The following KYNU variants were observed in gnomAD, a reference collection of about 807,000 sequenced individuals.
KYNU encodes kynureninase.
Under a neutral mutation model 59.2 loss-of-function variants are expected in KYNU, and 54 were observed. The ratio of observed to expected loss-of-function variants is 0.91; its 90% confidence interval spans 0.73 to 1.14. The LOEUF is 1.14. KYNU is among the 50% of genes most tolerant of loss of function. KYNU has a pLI of 0.00. For synonymous variants in KYNU, 177 were observed against 192.0 expected, an observed-to-expected ratio of 0.92 and a Z score of 0.65; for missense variants, 567 against 554.4, an observed-to-expected ratio of 1.02 and a Z score of -0.23.
intron 10 of KYNU, chr2:142,988,907 A>G (rs775802924): frequency 1.2e-6 from 2 of 1,601,682 alleles, no homozygotes; most frequent in Middle Eastern, 1.7e-4. Context: ...AGGACAAGGT[A>G]TTTTCCAGTC....
At chr2:142,913,532 C>T (rs1184707906) in intron 2 of KYNU, among the ~76,000 whole-genome samples, 1 of 152,106 alleles carries the variant, frequency 6.6e-6, no homozygotes, top group Non-Finnish European at 1.5e-5. Flanking sequence ...TTGATTTCTA[C>T]TTTTATTCCA....
intron 1 of KYNU, among the ~76,000 whole-genome samples, chr2:142,880,747 T>C (rs1257681442): frequency 2.6e-5 from 4 of 152,162 alleles, no homozygotes; most frequent in African/African-American, 7.2e-5. Context: ...TTGTCTTTAG[T>C]GGGTAAGTGT....
chr2:142,911,220 C>A (rs1682470074), intron 2 of KYNU, among the ~76,000 whole-genome samples: 2 of 151,976 alleles, frequency 1.3e-5, no homozygotes, highest in South Asian at 4.2e-4. Context: ...CTATTTGTGT[C>A]ATCTATAATT....
In KYNU at chr2:143,046,034, A is replaced by T. The variant is rs1369097982; in HGVS notation, c.*3862A>T. ...AAATATTTCATGCTAATCACATTAA[A>T]ATTATATCAAAGTATATAAACATAT... On this transcript the variant is annotated 3_prime_UTR_variant, in exon 14 of 14. Transcript: ENST00000264170. The T allele has an allele frequency of 6.6e-6, 1 of 152,190 alleles. No individual in the cohort carries two copies. The highest frequency in any genetic ancestry group is 1.9e-4 in the East Asian group (1 of 5,200). 9.4% of individuals were successfully genotyped at this position (152,190 alleles called of 1,614,324 possible). A position where few individuals can be genotyped will look rare whatever the true frequency, so the allele number is the denominator to read the frequency against.
At chr2:142,937,640 G>A (rs1157565683) in intron 4 of KYNU, among the ~76,000 whole-genome samples, 1 of 152,216 alleles carries the variant, frequency 6.6e-6, no homozygotes, top group Non-Finnish European at 1.5e-5. Flanking sequence ...AAAGTAAAGT[G>A]ATGTACAGAA....
intron 8 of KYNU, among the ~76,000 whole-genome samples, chr2:142,976,047 G>A (rs1684870959): frequency 6.6e-6 from 1 of 152,160 alleles, no homozygotes; most frequent in African/African-American, 2.4e-5. Flanking sequence ...GACAGTCATA[G>A]GTGAAGAAAG....
intron 2 of KYNU, among the ~76,000 whole-genome samples, chr2:142,911,625 G>T (rs1291901685): frequency 6.6e-6 from 1 of 152,060 alleles, no homozygotes; most frequent in Non-Finnish European, 1.5e-5. Context: ...ATTTGTTCCA[G>T]TTCTTAAGGA....
At chr2:142,926,877 C>A (rs565900110) in intron 3 of KYNU, among the ~76,000 whole-genome samples, 2 of 152,312 alleles carry the variant, frequency 1.3e-5, no homozygotes, top group Non-Finnish European at 2.9e-5. Context: ...GACCCCCCTG[C>A]CTGCTTACAG....
At chr2:142,964,844 G>A (rs1430795411) in intron 8 of KYNU, 4 of 152,210 alleles carry the variant, frequency 2.6e-5, no homozygotes, top group Admixed American at 1.3e-4. Flanking sequence ...AAGGAAAACA[G>A]GTTAGAGAGC....
chr2:142,956,350 G>A (rs1392461188), intron 6 of KYNU, 76 bp downstream of exon 6: 3 of 900,910 alleles, frequency 3.3e-6, no homozygotes, highest in Non-Finnish European at 5.5e-6. Context: ...TGACTTGAAT[G>A]TTTACTCACT....
At chr2:143,030,781 A>AT (rs1686717300) in intron 11 of KYNU, among the ~76,000 whole-genome samples, 2 of 96,088 alleles carry the variant, frequency 2.1e-5, no homozygotes, top group Admixed American at 1.2e-4. Context: ...TAAGCCCATC[A>AT]TAAGCTGAAA....
At chr2:142,999,753 T>G (rs1433502909) in intron 10 of KYNU, among the ~76,000 whole-genome samples, 2 of 152,128 alleles carry the variant, frequency 1.3e-5, no homozygotes, top group East Asian at 3.9e-4. Flanking sequence ...CTGAAAAATG[T>G]CATACATCAT....
intron 10 of KYNU, among the ~76,000 whole-genome samples, chr2:142,992,863 T>G (rs1573879553): frequency 6.6e-6 from 1 of 152,058 alleles, no homozygotes. Context: ...AATGTTATAA[T>G]TCATTTGGAG....
intron 10 of KYNU, among the ~76,000 whole-genome samples, chr2:143,002,179 A>G (rs1183626966): frequency 6.6e-6 from 1 of 152,242 alleles, no homozygotes; most frequent in East Asian, 1.9e-4. Flanking sequence ...TCTTAAGTGA[A>G]TAAATGCAAA....
intron 12 of KYNU, among the ~76,000 whole-genome samples, chr2:143,036,677 A>G (rs1686902572): frequency 6.6e-6 from 1 of 152,198 alleles, no homozygotes. Context: ...AGAAGTTACT[A>G]TTTATTCCTA....
At chr2:143,018,229 G>T (rs1686316020) in intron 10 of KYNU, among the ~76,000 whole-genome samples, 1 of 152,110 alleles carries the variant, frequency 6.6e-6, no homozygotes, top group Non-Finnish European at 1.5e-5. Context: ...CTGATATCCA[G>T]AATGGTATTT....
At chr2:142,965,390 A>G (rs950208197) in intron 8 of KYNU, among the ~76,000 whole-genome samples, 3 of 152,162 alleles carry the variant, frequency 2.0e-5, no homozygotes, top group African/African-American at 7.2e-5. Flanking sequence ...CAAGAAACAA[A>G]TGTTAACCTT....
intron 4 of KYNU, among the ~76,000 whole-genome samples, chr2:142,933,158 A>G (rs1036615238): frequency 1.4e-4 from 22 of 152,200 alleles, no homozygotes; most frequent in Admixed American, 1.4e-3. Context: ...AGCTGCCGCC[A>G]ATGGTCGGAG....
At chr2:142,986,351 T>C (rs1244493742) in intron 10 of KYNU, among the ~76,000 whole-genome samples, 1 of 151,902 alleles carries the variant, frequency 6.6e-6, no homozygotes, top group Non-Finnish European at 1.5e-5. Context: ...TTCAGATTCC[T>C]CACGTTGATG....
Sources: gnomAD v4.1 joint callset for allele counts (sites outside exome capture counted in the v4.1 genomes callset) on GRCh38, gnomAD v4.1.1 for gene constraint, MANE v1.5 for transcripts, NCBI Gene and HGNC (gene_info 2026-07-23, HGNC 2026-07-21) for gene names.